DDX55: variants seen among roughly 807,000 people sequenced by gnomAD.
The protein encoded by DDX55 is DEAD-box helicase 55.
In DDX55, 56 loss-of-function variants were observed where a neutral mutation model predicts 69.2. That is an observed-to-expected ratio of 0.81 (90% CI 0.65 to 1.01). DDX55 has a LOEUF of 1.01. Among genes scored for constraint, DDX55 ranks in the 50% least tolerant of loss-of-function variants. DDX55 has a pLI of 0.00. For synonymous variants in DDX55, 268 were observed against 273.1 expected (o/e 0.98, Z 0.18); for missense variants, 720 against 745.1 (o/e 0.97, Z 0.39).
In DDX55 at chr12:123,620,610, ATATATAT is replaced by A. The variant is rs1955066424; in HGVS notation, c.*471_*477del. On this transcript the variant is annotated 3_prime_UTR_variant, in exon 14 of 14. Coordinates refer to ENST00000238146, the MANE Select transcript of DDX55 (RefSeq NM_020936.3). ...TATATATATATATATATATATATAT[ATATATAT>A]ATATATATATAAGCTCTTTTTTCTG... is the stretch of plus-strand genomic sequence containing the variant. 15 of 76,996 alleles carry A rather than the reference ATATATAT, an allele frequency of 1.9e-4. 1 individual carries two copies. In the South Asian group the frequency reaches 6.8e-3, roughly 35 times the overall value. 4.8% of individuals were successfully genotyped at this position (76,996 alleles called of 1,614,324 possible). A position where few individuals can be genotyped will look rare whatever the true frequency, so the allele number is the denominator to read the frequency against.
At chr12:123,611,402 C>T (rs541129114) in intron 7 of DDX55, among the ~76,000 whole-genome samples, 4 of 152,308 alleles carry the variant, frequency 2.6e-5, no homozygotes, top group South Asian at 2.1e-4. Context: ...ACCATCAGGG[C>T]GAGGAGGCAC....
intron 12 of DDX55, 130 bp downstream of exon 12, chr12:123,618,967 C>T: frequency 7.5e-7 from 1 of 1,339,034 alleles, no homozygotes; most frequent in South Asian, 1.5e-5. Flanking sequence ...AAACTGGCCA[C>T]TGGCTGCTGA....
intron 6 of DDX55, among the ~76,000 whole-genome samples, chr12:123,609,245 C>G (rs917789516): frequency 3.3e-5 from 5 of 152,142 alleles, no homozygotes; most frequent in African/African-American, 4.8e-5. Flanking sequence ...AGCCACCATG[C>G]CTGGCCTAAG....
rs1365918550 is a variant in DDX55 at position 123,615,331 on chromosome 12, T to C, written c.956+15T>C. On this transcript the variant is annotated intron_variant, in intron 9 of 13. Transcript: ENST00000238146. The stretch of plus-strand genomic sequence containing the variant: ...AAATTGCAAAGGTGGGTGGGCTTCA[T>C]TGAAGGTAGCAGCTCTCCTGCCACA... The C allele has an allele frequency of 6.8e-6, 11 of 1,612,686 alleles. 1 individual carries two copies. The highest frequency in any genetic ancestry group is 5.3e-5 in the African/African-American group (4 of 74,890).
intron 1 of DDX55, 157 bp from the exon 2 acceptor site, chr12:123,605,774 T>A: frequency 1.0e-6 from 1 of 980,742 alleles, no homozygotes; most frequent in East Asian, 2.5e-5. Context: ...AGTTGCCACG[T>A]TTGATTCAAC....
chr12:123,612,904 G>A (rs1235671979), intron 7 of DDX55, among the ~76,000 whole-genome samples: 1 of 152,088 alleles, frequency 6.6e-6, no homozygotes, highest in Non-Finnish European at 1.5e-5. Flanking sequence ...ATGTATATTG[G>A]GATTGGGAGT....
chr12:123,607,568 G>T, intron 4 of DDX55, 32 bp from the exon 5 acceptor site: 1 of 1,614,166 alleles, frequency 6.2e-7, no homozygotes, highest in Non-Finnish European at 8.5e-7. Flanking sequence ...CTGTTTTGTC[G>T]AACTTAATCA....
intron 13 of DDX55, 28 bp from the exon 14 acceptor site, chr12:123,619,933 TTAG>T (rs773091895): frequency 1.9e-6 from 3 of 1,590,430 alleles, no homozygotes; most frequent in African/African-American, 2.7e-5. Context: ...GCTGAAAAAT[TTAG>T]TAGTTTATTG....
chr12:123,612,839 GA>G (rs5801519), intron 7 of DDX55, among the ~76,000 whole-genome samples: 42 of 149,052 alleles, frequency 2.8e-4, no homozygotes, highest in East Asian at 9.8e-4. Flanking sequence ...AAAAAAAGAA[GA>G]AAAAAAAAGG....
At chr12:123,619,392 C>T in intron 12 of DDX55, 40 bp from the exon 13 acceptor site, 1 of 1,579,680 alleles carries the variant, frequency 6.3e-7, no homozygotes, top group Middle Eastern at 1.8e-4. Flanking sequence ...TTGTTCTAAT[C>T]CTGTTGAGTG....
chr12:123,608,919 G>T, intron 6 of DDX55, 90 bp downstream of exon 6: 1 of 1,161,008 alleles, frequency 8.6e-7, no homozygotes, highest in Non-Finnish European at 1.1e-6. Flanking sequence ...TCATGACTAG[G>T]TATTTTTATT....
chr12:123,607,481 A>G lies in DDX55; in HGVS notation c.296A>G (p.Asp99Gly), dbSNP rs752178019. 5.6e-5 allele frequency: 90 copies of G among 1,613,972 alleles called. No homozygotes were observed. The Middle Eastern group carries it at 6.6e-4, about 12-fold the overall frequency. Residue 99 changes from aspartate to glycine, a missense_variant, in exon 4 of 14, where the codon GAC (aspartate) becomes GGC (glycine). By Grantham distance (94) the Asp-to-Gly change is moderately conservative. Coordinates refer to ENST00000238146, the MANE Select transcript of DDX55 (RefSeq NM_020936.3). ...TPTRELAIQI[D>G]EVLSHFTKHF... ...ACTCGAGAGCTGGCCATTCAAATAG[A>G]CGAGGTCCTGTCGCATTTCACGAAG...
Position 123,619,619 on chromosome 12 carries a change from A to G in DDX55, c.1521A>G (p.Thr507=). 6.2e-7 allele frequency: 1 copy of G among 1,613,800 alleles called. No homozygotes were observed. The highest frequency in any genetic ancestry group is 8.5e-7 in the Non-Finnish European group (1 of 1,179,972). The change falls in exon 13 of 14, where the codon ACA becomes ACG. Residue 507 remains threonine (T), a synonymous_variant. Coordinates refer to ENST00000238146, the MANE Select transcript of DDX55 (RefSeq NM_020936.3). ...KLLEQQRREK[T]ENEGRRKFIK... ...TGGAGCAACAAAGAAGAGAGAAAAC[A>G]GAAAATGAAGGGAGAAGAAAATTCA...
chr12:123,612,856 A>G lies in DDX55; in HGVS notation c.742-314A>G, dbSNP rs534789125. ...AAAAAGAAGAAAAAAAAAGGTAAAT[A>G]AATAAAAATCTACCCTGGAGATGGT... On this transcript the variant is annotated intron_variant, in intron 7 of 13. Coordinates refer to ENST00000238146, the MANE Select transcript of DDX55 (RefSeq NM_020936.3). Among the ~76,000 whole-genome samples, 4 of 152,000 alleles carry G rather than the reference A, an allele frequency of 2.6e-5. No individual in the cohort carries two copies. The South Asian group carries it at 8.3e-4, about 32-fold the overall frequency.
chr12:123,617,638 T>C, intron 10 of DDX55, 120 bp from the exon 11 acceptor site: 1 of 739,856 alleles, frequency 1.4e-6, no homozygotes, highest in Non-Finnish European at 2.2e-6. Context: ...GAGTCCACAC[T>C]GAGCTGTGGA....
chr12:123,617,824 C>T lies in DDX55; in HGVS notation c.1116C>T (p.Leu372=), dbSNP rs1247202831. The change falls in exon 11 of 14, where the codon CTC becomes CTT. Residue 372 remains leucine, a synonymous_variant. Coordinates refer to ENST00000238146, the MANE Select transcript of DDX55 (RefSeq NM_020936.3). ...ACGGGGGCAGCGCTCTGGTGTTCCT[C>T]CTGCCCATGGAAGAGTCATACATCA... ...IGHGGSALVF[L]LPMEESYINF... The T allele has an allele frequency of 2.5e-6, 4 of 1,614,042 alleles. No homozygotes were observed. The African/African-American group carries it at 4.0e-5, about 16-fold the overall frequency.
At chr12:123,605,840 C>A in intron 1 of DDX55, 91 bp from the exon 2 acceptor site, 1 of 1,563,720 alleles carries the variant, frequency 6.4e-7, no homozygotes, top group Non-Finnish European at 8.8e-7. Context: ...CCCACTGTGA[C>A]CTTAGCTGCC....
At chr12:123,613,001 A>G (rs76443868) in intron 7 of DDX55, among the ~76,000 whole-genome samples, 169 bp from the exon 8 acceptor site, 1 of 97,278 alleles carries the variant, frequency 1.0e-5, no homozygotes, top group African/African-American at 3.3e-5. Context: ...GCAGCAGCAC[A>G]TGTTGATATT....
At chr12:123,604,145 G>C (rs1275929873) in intron 1 of DDX55, among the ~76,000 whole-genome samples, 1 of 152,144 alleles carries the variant, frequency 6.6e-6, no homozygotes, top group East Asian at 1.9e-4. Context: ...AGTGGCACCC[G>C]CCTGTAGTAC....
Sources: allele counts gnomAD v4.1 joint callset (sites outside exome capture counted in the v4.1 genomes callset), GRCh38; gene constraint gnomAD v4.1.1; transcripts MANE v1.5; gene names NCBI Gene and HGNC (gene_info 2026-07-23, HGNC 2026-07-21).